Variants in CLUAP1 observed in about 807,000 individuals in gnomAD.
CLUAP1 encodes the protein intraflagellar transport 38, also known as clusterin-associated protein 1.
In CLUAP1, 50 loss-of-function variants were observed where a neutral mutation model predicts 55.0. The ratio of observed to expected loss-of-function variants is 0.91; its 90% CI spans 0.72 to 1.15. The LOEUF (loss-of-function observed/expected upper bound fraction) is 1.15. Among genes scored for constraint, CLUAP1 ranks in the 50% most tolerant of loss-of-function variants. The pLI, the probability that CLUAP1 is intolerant of heterozygous loss-of-function variation, is 0.00. For synonymous variants in CLUAP1, 195 were observed against 175.4 expected (o/e 1.11, Z -0.88); for missense variants, 530 against 507.6 (o/e 1.04, Z -0.42).
intron 1 of CLUAP1, 102 bp downstream of exon 1, chr16:3,501,191 C>T: frequency 7.8e-7 from 1 of 1,281,780 alleles, no homozygotes; most frequent in South Asian, 1.3e-5. Flanking sequence ...CTTGCGCTGC[C>T]GGAGGCTCCT....
chr16:3,508,416 C>G lies in CLUAP1; in HGVS notation c.347C>G (p.Ser116Cys), dbSNP rs1422766138. 1.3e-6 allele frequency: 2 copies of G among 1,590,834 alleles called. No homozygotes were observed. Among genetic ancestry groups the G allele is most frequent in the Non-Finnish European group, 1.7e-6 (2 of 1,174,378 alleles). The part of the protein sequence containing the change: ...NAMKTKGMEG[S>C]EIVEEDVNKF... ...ATGAAGACCAAGGGGATGGAGGGCT[C>G]TGAAATAGTAGAGGAAGATGTCAAC... The change falls in exon 4 of 12, where the codon TCT becomes TGT. Residue 116 changes from serine (S) to cysteine (C), a missense_variant. Ser to Cys is a moderately radical substitution (Grantham distance 112, BLOSUM62 -1). Transcript: ENST00000576634.
At chr16:3,517,317 TA>T (rs764846219) in intron 6 of CLUAP1, among the ~76,000 whole-genome samples, 1 of 152,178 alleles carries the variant, frequency 6.6e-6, no homozygotes, top group Non-Finnish European at 1.5e-5. Context: ...TTTATTTGTT[TA>T]TTTTTTTAGA....
At chr16:3,495,593 A>C in the CLUAP1 span, 1 of 1,365,566 alleles carries the variant, frequency 7.3e-7, no homozygotes, top group Non-Finnish European at 9.7e-7. Context: ...ACAGTGCCCA[A>C]GGCAAGGGCA....
chr16:3,502,554 ATTAGAGAT>A (rs1316559666), intron 1 of CLUAP1, among the ~76,000 whole-genome samples: 2 of 152,024 alleles, frequency 1.3e-5, no homozygotes, highest in Admixed American at 6.6e-5. Flanking sequence ...AAATTTTAGC[ATTAGAGAT>A]TACTCCTTTT....
intron 8 of CLUAP1, among the ~76,000 whole-genome samples, chr16:3,525,954 T>G (rs535849380): frequency 6.6e-6 from 1 of 152,190 alleles, no homozygotes; most frequent in African/African-American, 2.4e-5. Flanking sequence ...CATCCTTACC[T>G]GTCCCACCAT....
At chr16:3,515,388 G>A in intron 5 of CLUAP1, 120 bp from the exon 6 acceptor site, 2 of 663,186 alleles carry the variant, frequency 3.0e-6, no homozygotes, top group Non-Finnish European at 5.1e-6. Flanking sequence ...TTTTGCATCA[G>A]AGATCCACAT....
At chr16:3,501,889 C>G (rs1270158411) in intron 1 of CLUAP1, among the ~76,000 whole-genome samples, 1 of 152,098 alleles carries the variant, frequency 6.6e-6, no homozygotes, top group Non-Finnish European at 1.5e-5. Flanking sequence ...AGGGCCCGCT[C>G]TGTGTTATGC....
chr16:3,515,683 T>G, intron 6 of CLUAP1, 92 bp downstream of exon 6: 1 of 804,706 alleles, frequency 1.2e-6, no homozygotes, highest in Non-Finnish European at 1.9e-6. Context: ...AAGCTAGGCT[T>G]AGTAACAAGG....
intron 9 of CLUAP1, among the ~76,000 whole-genome samples, chr16:3,528,062 C>T (rs561703215): frequency 9.2e-5 from 14 of 152,328 alleles, no homozygotes; most frequent in South Asian, 2.1e-4. Flanking sequence ...AGTCTCTCAT[C>T]TCTGCACATG....
At position 3,530,684 on chromosome 16, in the gene CLUAP1, G is replaced by C; in HGVS notation, c.1036+9G>C. On this transcript the variant is annotated intron_variant, in intron 10 of 11. Transcript: ENST00000576634. ...GGAGATGCTCATGCAAGGTACCCCG[G>C]CGTCTTTCGCTGGACTTCCTCCCTG... The C allele has an allele frequency of 1.2e-6, 2 of 1,610,138 alleles. No homozygotes were observed. Among genetic ancestry groups the C allele is most frequent in the Non-Finnish European group, 1.7e-6 (2 of 1,176,676 alleles).
At chr16:3,497,616 A>C (rs540318819), upstream of CLUAP1, among the ~76,000 whole-genome samples, 19 of 152,178 alleles carry the variant, frequency 1.2e-4, no homozygotes, top group Admixed American at 7.2e-4. Flanking sequence ...TAGAGGATAA[A>C]TAAATCTCCT....
chr16:3,512,510 G>A (rs995736684), intron 5 of CLUAP1, 32 bp downstream of exon 5: 1 of 1,513,802 alleles, frequency 6.6e-7, no homozygotes, highest in Non-Finnish European at 9.2e-7. Context: ...TAACCATGCA[G>A]ATTTTCTCTT....
chr16:3,498,900 A>C (rs892645433), upstream of CLUAP1, among the ~76,000 whole-genome samples: 8 of 151,632 alleles, frequency 5.3e-5, no homozygotes, highest in African/African-American at 1.5e-4. Context: ...CAACAACAAA[A>C]AAAAGTGAAA....
chr16:3,507,771 A>G (rs763164790), intron 3 of CLUAP1, among the ~76,000 whole-genome samples: 1 of 150,780 alleles, frequency 6.6e-6, no homozygotes, highest in Non-Finnish European at 1.5e-5. Context: ...ACTGTATTCT[A>G]CTTGATGTAC....
At chr16:3,508,132 C>T (rs1231558778) in intron 3 of CLUAP1, among the ~76,000 whole-genome samples, 157 bp from the exon 4 acceptor site, 2 of 152,096 alleles carry the variant, frequency 1.3e-5, no homozygotes, top group Non-Finnish European at 2.9e-5. Context: ...CCAGTTTATA[C>T]AACCACTCAC....
the CLUAP1 span, chr16:3,495,579 G>T: frequency 6.9e-7 from 1 of 1,448,170 alleles, no homozygotes; most frequent in South Asian, 1.4e-5. Context: ...TAGTTTGGGA[G>T]AGGACAGTGC....
chr16:3,516,563 A>G (rs552416898), intron 6 of CLUAP1, among the ~76,000 whole-genome samples: 7 of 152,304 alleles, frequency 4.6e-5, no homozygotes, highest in African/African-American at 1.7e-4. Context: ...AAATGTCACA[A>G]AAATGGAAAG....
upstream of CLUAP1, chr16:3,496,440 C>T (rs1029615808): frequency 3.5e-5 from 35 of 1,007,006 alleles, no homozygotes; most frequent in Admixed American, 3.7e-4. Flanking sequence ...GAAAACAAAA[C>T]GGCCGTGGTT....
At chr16:3,496,348 G>A, upstream of CLUAP1, 1 of 1,183,008 alleles carries the variant, frequency 8.5e-7, no homozygotes, top group Non-Finnish European at 1.2e-6. Context: ...AGGTTGTGCT[G>A]AAGAGGTTGT....
Sources: allele counts gnomAD v4.1 joint callset (sites outside exome capture counted in the v4.1 genomes callset), GRCh38; gene constraint gnomAD v4.1.1; transcripts MANE v1.5; gene names NCBI Gene and HGNC (gene_info 2026-07-23, HGNC 2026-07-21).